The following TBC1D5 variants were observed in gnomAD, a reference collection of about 807,000 sequenced individuals.
TBC1D5 encodes the protein TBC1 domain family, member 5.
A neutral mutation model predicts 100.3 loss-of-function variants in TBC1D5; 75 were observed. The ratio of observed to expected loss-of-function variants is 0.75; its 90% CI spans 0.62 to 0.91. TBC1D5 has a LOEUF of 0.91. Among genes scored for constraint, TBC1D5 ranks in the 40% least tolerant of loss-of-function variants. The pLI, the probability that TBC1D5 is intolerant of heterozygous loss-of-function variation, is 0.00. For missense variants in TBC1D5, 910 were observed against 942.4 expected (o/e 0.97, Z 0.45); for synonymous variants, 323 against 325.6 (o/e 0.99, Z 0.09).
chr3:17,201,346 G>C (rs554306181), intron 18 of TBC1D5, among the ~76,000 whole-genome samples: 239 of 152,286 alleles, frequency 1.6e-3, no homozygotes, highest in Non-Finnish European at 2.4e-3. Context: ...ACCCTGGGTT[G>C]TCTCTTTCTC....
chr3:17,540,459 C>T (rs1386332227), intron 2 of TBC1D5, among the ~76,000 whole-genome samples: 1 of 152,104 alleles, frequency 6.6e-6, no homozygotes, highest in Non-Finnish European at 1.5e-5. Flanking sequence ...TTGGGTCTTA[C>T]ATTTATGTCT....
intron 1 of TBC1D5, among the ~76,000 whole-genome samples, chr3:17,718,414 G>A (rs2075413124): frequency 6.6e-6 from 1 of 152,106 alleles, no homozygotes; most frequent in Non-Finnish European, 1.5e-5. Context: ...TAGCTAACAT[G>A]GTGAAACCCC....
chr3:17,611,887 C>A (rs766311274), intron 2 of TBC1D5, among the ~76,000 whole-genome samples: 10 of 152,092 alleles, frequency 6.6e-5, no homozygotes, highest in Non-Finnish European at 1.3e-4. Context: ...ATAGTTCTCA[C>A]TAAACATTAT....
intron 2 of TBC1D5, among the ~76,000 whole-genome samples, chr3:17,577,384 A>G (rs2096664102): frequency 6.6e-6 from 1 of 152,030 alleles, no homozygotes; most frequent in Non-Finnish European, 1.5e-5. Flanking sequence ...TTAAAAACTA[A>G]CTTTTAACTT....
Position 17,372,074 on chromosome 3 carries a change from C to CA in TBC1D5, c.995dup (p.Leu332PhefsTer52), listed in dbSNP as rs780527815. On this transcript the variant is annotated frameshift_variant and splice_region_variant. Coordinates refer to ENST00000253692, the Ensembl canonical transcript of TBC1D5. LOFTEE classifies it high-confidence loss of function. ...AACAAACAAAGAACTTTAATACTTA[C>CA]AACCCATATATCTGTGGTGCAATTT... is the stretch of plus-strand genomic sequence containing the variant. 7.5e-7 allele frequency: 1 copy of CA among 1,333,936 alleles called. No individual in the cohort carries two copies. 82.6% of individuals were successfully genotyped at this position (1,333,936 alleles called of 1,614,324 possible). A position where few individuals can be genotyped will look rare whatever the true frequency, so the allele number is the denominator to read the frequency against.
At chr3:17,686,084 G>C (rs1005301377) in intron 1 of TBC1D5, among the ~76,000 whole-genome samples, 2 of 152,086 alleles carry the variant, frequency 1.3e-5, no homozygotes, top group African/African-American at 4.8e-5. Flanking sequence ...ACAATTGGCG[G>C]GATTTCAGAC....
At chr3:17,590,329 T>C (rs2096758773) in intron 2 of TBC1D5, among the ~76,000 whole-genome samples, 1 of 152,180 alleles carries the variant, frequency 6.6e-6, no homozygotes, top group South Asian at 2.1e-4. Context: ...GCATTTAGTG[T>C]TGCAGCTAGA....
chr3:17,167,781 G>T, exon 20 of TBC1D5: 1 of 1,612,554 alleles, frequency 6.2e-7, no homozygotes, highest in South Asian at 1.1e-5. Context: ...ACCAGAATTT[G>T]ATCTTCTTTT....
At chr3:17,211,966 T>C in intron 18 of TBC1D5, among the ~76,000 whole-genome samples, 1 of 152,214 alleles carries the variant, frequency 6.6e-6, no homozygotes, top group East Asian at 1.9e-4. Context: ...AATTTGCAGA[T>C]AAGGTGGTTA....
At chr3:17,371,266 A>G (rs2092442498) in intron 13 of TBC1D5, among the ~76,000 whole-genome samples, 1 of 152,228 alleles carries the variant, frequency 6.6e-6, no homozygotes. Context: ...ATCATATGAT[A>G]TAATGGAAAG....
intron 2 of TBC1D5, among the ~76,000 whole-genome samples, chr3:17,597,922 T>A (rs1424224387): frequency 6.6e-6 from 1 of 152,186 alleles, no homozygotes; most frequent in Non-Finnish European, 1.5e-5. Flanking sequence ...CTTCTATATA[T>A]CCTGGTTCCA....
intron 16 of TBC1D5, among the ~76,000 whole-genome samples, chr3:17,251,494 C>T (rs557115120): frequency 4.6e-4 from 63 of 135,734 alleles, no homozygotes; most frequent in African/African-American, 1.6e-3. Context: ...ATATGGAAAG[C>T]AGGCGGCTAA....
intron 3 of TBC1D5, among the ~76,000 whole-genome samples, chr3:17,455,478 A>G (rs556859152): frequency 6.9e-6 from 1 of 144,072 alleles, no homozygotes; most frequent in East Asian, 2.0e-4. Flanking sequence ...GTGTATATAT[A>G]TGTATATATA....
In TBC1D5 at chr3:17,504,535, G is replaced by A. The variant is rs1268388886; in HGVS notation, c.97+3939C>T. 3.9e-5 allele frequency among the ~76,000 whole-genome samples: 6 copies of A among 152,144 alleles called. No homozygotes were observed. The East Asian group carries it at 9.6e-4, about 24-fold the overall frequency. ...ATAATGTCAGAAAAATGGCATGTGT[G>A]AAGGCCCAGAGTTTAGAACTGGCTT... On this transcript the variant is annotated intron_variant, in intron 3 of 21. Coordinates refer to ENST00000253692, the Ensembl canonical transcript of TBC1D5.
chr3:17,654,802 G>C (rs1366613890), intron 1 of TBC1D5, among the ~76,000 whole-genome samples: 1 of 151,964 alleles, frequency 6.6e-6, no homozygotes, highest in Non-Finnish European at 1.5e-5. Context: ...GACTCTTTTT[G>C]GTTGGTAAGC....
chr3:17,346,002 T>C (rs2089807370), intron 13 of TBC1D5, among the ~76,000 whole-genome samples: 1 of 152,076 alleles, frequency 6.6e-6, no homozygotes, highest in African/African-American at 2.4e-5. Context: ...CACACCAGCA[T>C]GGCACATGTA....
intron 2 of TBC1D5, among the ~76,000 whole-genome samples, chr3:17,513,811 T>C (rs2095945300): frequency 6.6e-6 from 1 of 152,236 alleles, no homozygotes; most frequent in African/African-American, 2.4e-5. Context: ...AGGTAGCATG[T>C]ATTTACCATG....
intron 13 of TBC1D5, among the ~76,000 whole-genome samples, chr3:17,328,206 G>A (rs1559642537): frequency 2.6e-5 from 4 of 151,928 alleles, no homozygotes; most frequent in South Asian, 2.1e-4. Flanking sequence ...GGAGGTTGAG[G>A]CCACAGTGAG....
At chr3:17,352,581 A>G (rs2090730519) in intron 13 of TBC1D5, among the ~76,000 whole-genome samples, 1 of 151,600 alleles carries the variant, frequency 6.6e-6, no homozygotes, top group Non-Finnish European at 1.5e-5. Context: ...GGATGCAGAA[A>G]TGTGTCATAA....
Sources: gnomAD v4.1 joint callset for allele counts (sites outside exome capture counted in the v4.1 genomes callset) on GRCh38, gnomAD v4.1.1 for gene constraint, MANE v1.5 for transcripts, NCBI Gene and HGNC (gene_info 2026-07-23, HGNC 2026-07-21) for gene names.